Variants in LRRTM4 observed in about 807,000 individuals in gnomAD.
LRRTM4 encodes leucine rich repeat transmembrane neuronal 4.
A neutral mutation model predicts 47.6 loss-of-function variants in LRRTM4; 25 were observed. The ratio of observed to expected loss-of-function variants is 0.53; its 90% confidence interval spans 0.38 to 0.73. The LOEUF (loss-of-function observed/expected upper bound fraction) is 0.73, where lower values mean the gene tolerates loss of function less well. Among genes scored for constraint, LRRTM4 ranks in the 30% least tolerant of loss-of-function variants. The pLI is 0.00. For synonymous variants in LRRTM4, 311 were observed against 269.5 expected (o/e 1.15, Z -1.51); for missense variants, 638 against 713.4 (o/e 0.89, Z 1.20).
intron 3 of LRRTM4, among the ~76,000 whole-genome samples, chr2:76,855,150 G>C (rs1672110868): frequency 6.6e-6 from 1 of 152,218 alleles, no homozygotes; most frequent in African/African-American, 2.4e-5. Context: ...TCAGGAGCCT[G>C]CTTGCGGAGA....
At chr2:77,445,669 C>T (rs1676024245) in intron 3 of LRRTM4, among the ~76,000 whole-genome samples, 1 of 151,964 alleles carries the variant, frequency 6.6e-6, no homozygotes, top group African/African-American at 2.4e-5. Context: ...AAACAAAATA[C>T]CATTTGTCAC....
At chr2:77,377,322 A>G (rs1485807499) in intron 3 of LRRTM4, among the ~76,000 whole-genome samples, 1 of 151,954 alleles carries the variant, frequency 6.6e-6, no homozygotes, top group Non-Finnish European at 1.5e-5. Context: ...TTTTATTTAT[A>G]TTACATTAGC....
chr2:76,917,076 G>A (rs1411503872), intron 3 of LRRTM4, among the ~76,000 whole-genome samples: 1 of 152,064 alleles, frequency 6.6e-6, no homozygotes, highest in Non-Finnish European at 1.5e-5. Context: ...CCAGGGGTTG[G>A]CTACCTTTTT....
chr2:77,337,965 A>G (rs952448645), intron 3 of LRRTM4, among the ~76,000 whole-genome samples: 8 of 152,190 alleles, frequency 5.3e-5, no homozygotes, highest in African/African-American at 1.9e-4. Context: ...GATCTTCAAC[A>G]AAGTTGACAA....
intron 3 of LRRTM4, among the ~76,000 whole-genome samples, chr2:77,338,889 T>C (rs1229952314): frequency 1.3e-5 from 2 of 151,982 alleles, no homozygotes; most frequent in African/African-American, 2.4e-5. Flanking sequence ...GAAAATGTGC[T>C]ACATATTATA....
At chr2:77,071,557 A>G (rs1379522504) in intron 3 of LRRTM4, among the ~76,000 whole-genome samples, 1 of 152,180 alleles carries the variant, frequency 6.6e-6, no homozygotes, top group Non-Finnish European at 1.5e-5. Flanking sequence ...AATAGCAATA[A>G]ATTATAATTA....
intron 3 of LRRTM4, among the ~76,000 whole-genome samples, chr2:76,888,958 C>T (rs545638953): frequency 3.4e-4 from 52 of 151,948 alleles, no homozygotes; most frequent in African/African-American, 1.1e-3. Context: ...ATAAAACAGA[C>T]ATATTTCAAC....
chr2:77,166,027 G>C (rs1038345707), intron 3 of LRRTM4, among the ~76,000 whole-genome samples: 1 of 152,320 alleles, frequency 6.6e-6, no homozygotes, highest in African/African-American at 2.4e-5. Flanking sequence ...AATTGTCCCT[G>C]TTTGCAGATG....
At chr2:76,825,477 A>G (rs981085232) in intron 3 of LRRTM4, among the ~76,000 whole-genome samples, 3 of 151,676 alleles carry the variant, frequency 2.0e-5, no homozygotes, top group African/African-American at 2.4e-5. Flanking sequence ...GACTCGAGCA[A>G]TTGTGGGGAT....
intron 3 of LRRTM4, among the ~76,000 whole-genome samples, chr2:76,838,331 A>T (rs534693750): frequency 2.6e-5 from 4 of 152,144 alleles, no homozygotes; most frequent in African/African-American, 9.6e-5. Context: ...TTGTTTTCCT[A>T]CTTCTAAAAC....
intron 3 of LRRTM4, among the ~76,000 whole-genome samples, chr2:77,011,655 C>A (rs1470584566): frequency 6.6e-6 from 1 of 151,618 alleles, no homozygotes; most frequent in Non-Finnish European, 1.5e-5. Context: ...GCCTAGAAGC[C>A]ATAACTTGCA....
chr2:77,210,799 A>T (rs1381275983), intron 3 of LRRTM4, among the ~76,000 whole-genome samples: 1 of 152,094 alleles, frequency 6.6e-6, no homozygotes, highest in African/African-American at 2.4e-5. Context: ...AAATAATTTT[A>T]AAAATCTTCT....
At chr2:77,291,427 A>T (rs940286573) in intron 3 of LRRTM4, among the ~76,000 whole-genome samples, 4 of 152,098 alleles carry the variant, frequency 2.6e-5, no homozygotes, top group Non-Finnish European at 5.9e-5. Context: ...TTTTTAATTC[A>T]AAAGCACATT....
intron 3 of LRRTM4, among the ~76,000 whole-genome samples, chr2:76,808,796 AG>A (rs1373263457): frequency 1.3e-5 from 2 of 150,572 alleles, no homozygotes. Context: ...CAGAAACAAC[AG>A]GAACTGCTGA....
intron 3 of LRRTM4, among the ~76,000 whole-genome samples, chr2:77,080,936 T>G (rs977853495): frequency 2.0e-5 from 3 of 152,158 alleles, no homozygotes; most frequent in Non-Finnish European, 4.4e-5. Context: ...CTTTTGTGCT[T>G]GCTCTTTACT....
At chr2:77,146,975 C>G (rs918467764) in intron 3 of LRRTM4, among the ~76,000 whole-genome samples, 1 of 152,068 alleles carries the variant, frequency 6.6e-6, no homozygotes, top group African/African-American at 2.4e-5. Flanking sequence ...AATGAATGTA[C>G]TCATCATTAA....
intron 3 of LRRTM4, among the ~76,000 whole-genome samples, chr2:77,059,055 C>A (rs1258817300): frequency 6.6e-6 from 1 of 152,050 alleles, no homozygotes; most frequent in Non-Finnish European, 1.5e-5. Flanking sequence ...AAAACAAAGT[C>A]TTTTTTCTTC....
chr2:76,806,710 T>A (rs1020528155), intron 3 of LRRTM4, among the ~76,000 whole-genome samples: 2 of 152,138 alleles, frequency 1.3e-5, no homozygotes, highest in African/African-American at 4.8e-5. Context: ...GCATAAAATT[T>A]AAAATCTACA....
At chr2:76,928,795 T>C (rs1245854323) in intron 3 of LRRTM4, among the ~76,000 whole-genome samples, 3 of 152,162 alleles carry the variant, frequency 2.0e-5, no homozygotes, top group Non-Finnish European at 4.4e-5. Context: ...GAATTTCCTT[T>C]ATTGATTTAC....
Sources: allele counts gnomAD v4.1 joint callset (sites outside exome capture counted in the v4.1 genomes callset), GRCh38; gene constraint gnomAD v4.1.1; transcripts MANE v1.5; gene names NCBI Gene and HGNC (gene_info 2026-07-23, HGNC 2026-07-21).